RBFOX1: variants seen among roughly 807,000 people sequenced by gnomAD.
RBFOX1 encodes the protein RNA binding protein fox-1 homolog 1.
A neutral mutation model predicts 57.7 loss-of-function variants in RBFOX1; 8 were observed. That is an observed-to-expected ratio of 0.14 (90% CI 0.08 to 0.25). The LOEUF is 0.25. Ranked by LOEUF, RBFOX1 falls within the 10% of genes least tolerant of loss-of-function variation. The pLI is 1.00. For missense variants in RBFOX1, 611 were observed against 548.5 expected (o/e 1.11, Z -1.14); for synonymous variants, 326 against 222.4 (o/e 1.47, Z -4.15).
chr16:5,578,533 A>G (rs554363471), intron 2 of RBFOX1, among the ~76,000 whole-genome samples: 87 of 152,320 alleles, frequency 5.7e-4, no homozygotes, highest in African/African-American at 1.9e-3. Context: ...GTCAATTTCA[A>G]AACACGAAAA....
chr16:7,062,846 C>G (rs531544228), intron 4 of RBFOX1, among the ~76,000 whole-genome samples: 2 of 144,980 alleles, frequency 1.4e-5, no homozygotes, highest in Non-Finnish European at 3.0e-5. Context: ...CCCTGGTTAT[C>G]CATCTATCCG....
intron 1 of RBFOX1, among the ~76,000 whole-genome samples, chr16:5,251,921 C>T (rs1377940061): frequency 2.6e-5 from 4 of 152,022 alleles, no homozygotes; most frequent in Non-Finnish European, 5.9e-5. Context: ...AAGTGGGGCT[C>T]CTAATAGGTC....
chr16:7,124,677 A>C (rs879325650), intron 4 of RBFOX1, among the ~76,000 whole-genome samples: 2 of 151,404 alleles, frequency 1.3e-5, no homozygotes, highest in Non-Finnish European at 2.9e-5. Context: ...CGTGAACCTC[A>C]CAATACTCGA....
rs547295509 is a variant in RBFOX1, at chr16:5,754,468, G to A, written c.319-112835G>A. Among the ~76,000 whole-genome samples the A allele has an allele frequency of 6.9e-4, 104 of 150,012 alleles. 1 individual carries two copies. Among genetic ancestry groups the A allele is most frequent in the African/African-American group, 2.3e-3 (95 of 40,706 alleles). On this transcript the variant is annotated intron_variant, in intron 3 of 19. Transcript: ENST00000641259. ...GAGATTTGGAAAAGAAAAAGACACA[G>A]AGACAAAGTATAGAGAAAGAAATAA...
chr16:5,393,096 C>G (rs2066458274), intron 1 of RBFOX1, among the ~76,000 whole-genome samples: 1 of 152,048 alleles, frequency 6.6e-6, no homozygotes, highest in African/African-American at 2.4e-5. Context: ...GGCTGTGGCT[C>G]AGGGCCTCAG....
intron 3 of RBFOX1, among the ~76,000 whole-genome samples, chr16:5,761,081 A>G (rs2053575060): frequency 6.6e-6 from 1 of 152,222 alleles, no homozygotes; most frequent in Non-Finnish European, 1.5e-5. Flanking sequence ...CAGTTGGTAA[A>G]CAGTGAATGC....
chr16:7,337,478 G>A (rs111680676), intron 4 of RBFOX1, among the ~76,000 whole-genome samples: 13 of 152,170 alleles, frequency 8.5e-5, no homozygotes, highest in Non-Finnish European at 1.6e-4. Context: ...GAGCCTTGGC[G>A]TCTTTTCCAA....
At chr16:7,090,286 T>C (rs190622551) in intron 4 of RBFOX1, among the ~76,000 whole-genome samples, 1 of 152,376 alleles carries the variant, frequency 6.6e-6, no homozygotes, top group East Asian at 1.9e-4. Flanking sequence ...ATTTGTAAAG[T>C]AACCTCTTTA....
At chr16:7,202,287 A>C (rs2088754219) in intron 4 of RBFOX1, among the ~76,000 whole-genome samples, 1 of 127,422 alleles carries the variant, frequency 7.8e-6, no homozygotes, top group Non-Finnish European at 1.6e-5. Context: ...ACACATTAGG[A>C]TGGCTGCAAA....
chr16:7,319,869 A>G (rs1311961309), intron 4 of RBFOX1, among the ~76,000 whole-genome samples: 1 of 152,142 alleles, frequency 6.6e-6, no homozygotes, highest in African/African-American at 2.4e-5. Flanking sequence ...TGGGGCTATT[A>G]TGAGTACCAA....
chr16:5,557,292 A>T (rs1285560895), intron 2 of RBFOX1, among the ~76,000 whole-genome samples: 1 of 143,726 alleles, frequency 7.0e-6, no homozygotes, highest in Non-Finnish European at 1.6e-5. Context: ...TAAATAAATA[A>T]ATAAATAAAT....
intron 4 of RBFOX1, among the ~76,000 whole-genome samples, chr16:7,159,802 A>G (rs775460001): frequency 1.3e-5 from 2 of 152,212 alleles, no homozygotes; most frequent in African/African-American, 2.4e-5. Flanking sequence ...GCCAACGCAT[A>G]CATCCCACCT....
In RBFOX1 at chr16:6,578,134, C is replaced by T. The variant is rs193067621; in HGVS notation, c.-63-76469C>T. ...CAGAGCTGGAAACAGACAAGTAAAA[C>T]GACCAGTTACCTGCATTCTAACTAC... On this transcript the variant is annotated intron_variant, in intron 2 of 15. Coordinates refer to ENST00000550418, the MANE Select transcript of RBFOX1 (RefSeq NM_018723.4). Among the ~76,000 whole-genome samples the T allele has an allele frequency of 1.8e-4, 28 of 152,320 alleles. No individual in the cohort carries two copies. In the East Asian group the frequency reaches 4.3e-3, roughly 23 times the overall value.
At chr16:5,719,303 G>A (rs1026861679) in intron 3 of RBFOX1, among the ~76,000 whole-genome samples, 4 of 148,226 alleles carry the variant, frequency 2.7e-5, no homozygotes, top group Admixed American at 6.8e-5. Context: ...CCTGGTTCAC[G>A]CCATTCTCCT....
At chr16:5,594,609 T>G (rs2047119940) in intron 2 of RBFOX1, among the ~76,000 whole-genome samples, 1 of 152,050 alleles carries the variant, frequency 6.6e-6, no homozygotes, top group Non-Finnish European at 1.5e-5. Context: ...AGGTCAGAGG[T>G]AGAAAAGAGA....
intron 3 of RBFOX1, among the ~76,000 whole-genome samples, chr16:6,870,212 G>C (rs534742672): frequency 4.1e-4 from 63 of 152,252 alleles, no homozygotes; most frequent in African/African-American, 1.4e-3. Flanking sequence ...GAATTTTGCA[G>C]GCAGAGCCAA....
chr16:5,744,456 C>T (rs1002012894), intron 3 of RBFOX1, among the ~76,000 whole-genome samples: 1 of 152,110 alleles, frequency 6.6e-6, no homozygotes, highest in Admixed American at 6.6e-5. Flanking sequence ...AAGGGCACCC[C>T]CCATCGATGC....
chr16:6,091,121 C>T (rs1232396596), intron 1 of RBFOX1, among the ~76,000 whole-genome samples: 1 of 152,184 alleles, frequency 6.6e-6, no homozygotes, highest in African/African-American at 2.4e-5. Flanking sequence ...ACTATTGTCA[C>T]CTTACTGTGC....
At chr16:6,020,698 CA>C (rs113285557) in intron 1 of RBFOX1, among the ~76,000 whole-genome samples, 99 of 147,182 alleles carry the variant, frequency 6.7e-4, no homozygotes, top group East Asian at 2.3e-3. Context: ...TTGTGCAGGC[CA>C]GGGGGGGGCT....
Sources: gnomAD v4.1 joint callset for allele counts (sites outside exome capture counted in the v4.1 genomes callset) on GRCh38, gnomAD v4.1.1 for gene constraint, MANE v1.5 for transcripts, NCBI Gene and HGNC (gene_info 2026-07-23, HGNC 2026-07-21) for gene names.